Variants in KIAA1191 observed in about 807,000 individuals in gnomAD.
KIAA1191 encodes the protein putative monooxygenase p33MONOX.
Under a neutral mutation model 31.1 loss-of-function variants are expected in KIAA1191, and 22 were observed. The ratio of observed to expected loss-of-function variants is 0.71; its 90% CI spans 0.51 to 1.01. The LOEUF (loss-of-function observed/expected upper bound fraction) is 1.01, where lower values mean the gene tolerates loss of function less well. KIAA1191 is among the 50% of genes least tolerant of loss of function. The probability of loss-of-function intolerance (pLI) is 0.00; values close to 1 mark genes in which losing one functional copy is unlikely to be tolerated. For synonymous variants in KIAA1191, 130 were observed against 143.9 expected (o/e 0.90, Z 0.69); for missense variants, 319 against 388.0 (o/e 0.82, Z 1.49).
At chr5:176,348,416 A>G in intron 6 of KIAA1191, 60 bp from the exon 7 acceptor site, 1 of 1,310,056 alleles carries the variant, frequency 7.6e-7, no homozygotes, top group East Asian at 2.4e-5. Flanking sequence ...CAAACAGATA[A>G]GTCTAGGCAT....
intron 3 of KIAA1191, among the ~76,000 whole-genome samples, chr5:176,356,443 T>C (rs1767513332): frequency 6.6e-6 from 1 of 152,242 alleles, no homozygotes; most frequent in African/African-American, 2.4e-5. Context: ...GTGAATCCTC[T>C]ACCTTCCTTT....
chr5:176,355,065 G>A lies in KIAA1191; in HGVS notation c.207+506C>T, dbSNP rs1581369645. 6.6e-6 allele frequency among the ~76,000 whole-genome samples: 1 copy of A among 152,148 alleles called. No homozygotes were observed. Among genetic ancestry groups the A allele is most frequent in the Admixed American group, 6.5e-5 (1 of 15,280 alleles). On this transcript the variant is annotated intron_variant, in intron 4 of 8. Transcript: ENST00000298569. The surrounding 1 kb of genome is among the most constrained non-coding windows in gnomAD (Gnocchi z 4.2). ...ACAGGCAGAAAATACGCTGCTAAGTGCAAGAATTTTAGGTAACTTGCACAG... is the reference window on the plus strand; with the variant it reads ...ACAGGCAGAAAATACGCTGCTAAGTACAAGAATTTTAGGTAACTTGCACAG...
rs75561419 is a variant in KIAA1191 at position 176,355,418 on chromosome 5, A to G, written c.207+153T>C. Among the ~76,000 whole-genome samples the G allele has an allele frequency of 5.5e-4, 6 of 10,934 alleles. No homozygotes were observed. Among genetic ancestry groups the G allele is most frequent in the African/African-American group, 1.1e-3 (4 of 3,482 alleles). 7.2% of individuals were successfully genotyped at this position (10,934 alleles called of 152,430 possible). ...ACAAAATAAATAAAATCTTAAAAAA[A>G]AAAAAAAGACAGCTATAACTGAGGC... On this transcript the variant is annotated intron_variant, in intron 4 of 8. Coordinates refer to ENST00000298569, the MANE Select transcript of KIAA1191 (RefSeq NM_020444.5). The surrounding 1 kb of genome is among the most constrained non-coding windows in gnomAD (Gnocchi z 4.2).
In KIAA1191 at chr5:176,347,523, T is replaced by G; in HGVS notation, c.*77A>C. 1 of 1,208,836 alleles carries G rather than the reference T, an allele frequency of 8.3e-7. No individual in the cohort carries two copies. The highest frequency in any genetic ancestry group is 1.9e-5 in the South Asian group (1 of 53,298). 74.9% of individuals were successfully genotyped at this position (1,208,836 alleles called of 1,614,324 possible). The stretch of plus-strand genomic sequence containing the variant: ...GCTGATTAAGTTTTTAAATATACCT[T>G]TCCTATGTCAAAGCCAAGGTAAAAG... On this transcript the variant is annotated 3_prime_UTR_variant, in exon 9 of 9. Transcript: ENST00000298569.
rs1767422968 is a variant in KIAA1191 at position 176,355,424 on chromosome 5, AAGAC to A, written c.207+143_207+146del. 3.0e-6 allele frequency: 2 copies of A among 667,496 alleles called. No homozygotes were observed. Among genetic ancestry groups the A allele is most frequent in the South Asian group, 4.8e-5 (2 of 41,846 alleles). The allele number at this position is 667,496 out of a possible 1,614,324, so 41.3% of individuals were successfully genotyped here. ...TAAATAAAATCTTAAAAAAAAAAAA[AAGAC>A]AGCTATAACTGAGGCACAGAAAACA... On this transcript the variant is annotated intron_variant, in intron 4 of 8. Coordinates refer to ENST00000298569, the MANE Select transcript of KIAA1191 (RefSeq NM_020444.5). This position sits in a 1 kb window ranked among gnomAD's most constrained non-coding sequence, Gnocchi z 4.2.
chr5:176,351,340 CAAAA>C (rs955175769), intron 5 of KIAA1191, among the ~76,000 whole-genome samples: 4 of 107,364 alleles, frequency 3.7e-5, no homozygotes, highest in Non-Finnish European at 7.9e-5. Flanking sequence ...GACTCCATCT[CAAAA>C]AAAAAAAAAA....
chr5:176,359,460 A>C (rs765713172), intron 3 of KIAA1191, 21 bp downstream of exon 3: 9 of 1,611,378 alleles, frequency 5.6e-6, no homozygotes, highest in Non-Finnish European at 7.6e-6. Context: ...ACATGATTTT[A>C]CCAAAAAGAA....
At chr5:176,360,454 C>T (rs1270228392) in intron 1 of KIAA1191, among the ~76,000 whole-genome samples, 2 of 151,890 alleles carry the variant, frequency 1.3e-5, no homozygotes, top group Non-Finnish European at 2.9e-5. Context: ...CCGCGCCCGA[C>T]CCCAGTTTTT....
chr5:176,346,411 C>T lies in KIAA1191; in HGVS notation c.*1189G>A, dbSNP rs1302077842. ...CCGCACAGGCGTTCCAGGCCCTGAC[C>T]TGAACAAGGAAATCAAAGTAAGTTA... On this transcript the variant is annotated 3_prime_UTR_variant, in exon 9 of 9. Transcript: ENST00000298569. 4 of 152,220 alleles carry T rather than the reference C, an allele frequency of 2.6e-5. No individual in the cohort carries two copies. The highest frequency in any genetic ancestry group is 9.6e-5 in the African/African-American group (4 of 41,456). The allele number at this position is 152,220 out of a possible 1,614,324, so 9.4% of individuals were successfully genotyped here.
intron 7 of KIAA1191, 58 bp downstream of exon 7, chr5:176,348,192 G>C: frequency 6.3e-7 from 1 of 1,596,072 alleles, no homozygotes; most frequent in Non-Finnish European, 8.6e-7. Flanking sequence ...AACCTCATCT[G>C]CCACACTAGC....
Position 176,361,701 on chromosome 5 carries a change from C to G in KIAA1191, c.-267G>C, listed in dbSNP as rs1194117145. On this transcript the variant is annotated 5_prime_UTR_variant, in exon 1 of 9. Coordinates refer to ENST00000298569, the MANE Select transcript of KIAA1191 (RefSeq NM_020444.5). This position sits in a 1 kb window ranked among gnomAD's most constrained non-coding sequence, Gnocchi z 4.0. ...CCGAGAGGCTGTGGCGCAGTCTGGA[C>G]CCAAGCCATTGTGAGAGCGGCGGCG... The G allele has an allele frequency of 6.6e-6, 1 of 152,384 alleles. No individual in the cohort carries two copies. Among genetic ancestry groups the G allele is most frequent in the African/African-American group, 2.4e-5 (1 of 41,452 alleles). 9.4% of individuals were successfully genotyped at this position (152,384 alleles called of 1,614,324 possible).
At chr5:176,351,361 A>G in intron 5 of KIAA1191, among the ~76,000 whole-genome samples, 1 of 151,964 alleles carries the variant, frequency 6.6e-6, no homozygotes, top group East Asian at 1.9e-4. Context: ...AAAAAGTTAC[A>G]TTGTGCTAAA....
At position 176,348,073 on chromosome 5, in the gene KIAA1191, A is replaced by G. The variant is rs1176694187; in HGVS notation, c.567-10T>C. 6.2e-7 allele frequency: 1 copy of G among 1,613,216 alleles called. No homozygotes were observed. The highest frequency in any genetic ancestry group is 8.5e-7 in the Non-Finnish European group (1 of 1,179,694). ...AGAAGTGAACCAGCCCCTGGGAAAG[A>G]AAGAACAAAACATATCCTAAAATAC... On this transcript the variant is annotated splice_polypyrimidine_tract_variant and intron_variant, in intron 7 of 8. Coordinates refer to ENST00000298569, the MANE Select transcript of KIAA1191 (RefSeq NM_020444.5).
In KIAA1191 at chr5:176,352,768, T is replaced by C. The variant is rs1324593765; in HGVS notation, c.208-20A>G. 1 of 1,606,422 alleles carries C rather than the reference T, an allele frequency of 6.2e-7. No homozygotes were observed. ...CTCCACCTGTTCAAGAGAGGTACAG[T>C]ACAGAAGCACTTAGGCAGGGCAGGG... On this transcript the variant is annotated intron_variant, in intron 4 of 8. Transcript: ENST00000298569.
chr5:176,352,167 A>C (rs1344719127), intron 5 of KIAA1191, among the ~76,000 whole-genome samples: 2 of 145,196 alleles, frequency 1.4e-5, no homozygotes, highest in East Asian at 2.0e-4. Context: ...AAAAAAAAAA[A>C]CAAAAAAAAA....
chr5:176,351,030 C>T (rs184074480), intron 5 of KIAA1191, among the ~76,000 whole-genome samples: 92 of 152,254 alleles, frequency 6.0e-4, no homozygotes, highest in Non-Finnish European at 1.1e-3. Flanking sequence ...TACATGGTGA[C>T]ATTTTCTTTG....
At position 176,346,329 on chromosome 5, in the gene KIAA1191, A is replaced by G. The variant is rs1766497344; in HGVS notation, c.*1271T>C. On this transcript the variant is annotated 3_prime_UTR_variant, in exon 9 of 9. Coordinates refer to ENST00000298569, the MANE Select transcript of KIAA1191 (RefSeq NM_020444.5). Reference sequence around the variant, plus strand: ...AGGTTATGTGTTGCATAAAGGGATGAGGCTCATTTTGGTGAAAAATGCTTT... The same window carrying G: ...AGGTTATGTGTTGCATAAAGGGATGGGGCTCATTTTGGTGAAAAATGCTTT... The G allele has an allele frequency of 6.6e-6, 1 of 152,240 alleles. No homozygotes were observed. The highest frequency in any genetic ancestry group is 2.1e-4 in the South Asian group (1 of 4,828). The allele number at this position is 152,240 out of a possible 1,614,324, so 9.4% of individuals were successfully genotyped here. A position where few individuals can be genotyped will look rare whatever the true frequency, so the allele number is the denominator to read the frequency against.
chr5:176,358,367 C>T (rs1767676638), intron 3 of KIAA1191, among the ~76,000 whole-genome samples: 1 of 152,202 alleles, frequency 6.6e-6, no homozygotes, highest in Non-Finnish European at 1.5e-5. Flanking sequence ...AGTGACTATT[C>T]TCTTTAAGTT....
intron 3 of KIAA1191, among the ~76,000 whole-genome samples, chr5:176,358,485 G>T (rs535306728): frequency 1.3e-5 from 2 of 152,098 alleles, no homozygotes; most frequent in East Asian, 3.9e-4. Context: ...GGAGGCCAAG[G>T]TGGAAGGATC....
Sources: allele counts gnomAD v4.1 joint callset (sites outside exome capture counted in the v4.1 genomes callset), GRCh38; gene constraint gnomAD v4.1.1; non-coding constraint Gnocchi (gnomAD v3.1); transcripts MANE v1.5; gene names NCBI Gene and HGNC (gene_info 2026-07-23, HGNC 2026-07-21).